ARHGEF26: variants seen among roughly 807,000 people sequenced by gnomAD.
The protein encoded by ARHGEF26 is Rho guanine nucleotide exchange factor (GEF) 26.
ARHGEF26 carries 59 observed loss-of-function variants against 89.4 expected under a neutral mutation model. The observed-to-expected ratio is 0.66, with a 90% CI of 0.54 to 0.82. The LOEUF is 0.82. Ranked by LOEUF, ARHGEF26 falls within the 40% of genes least tolerant of loss-of-function variation. ARHGEF26 has a pLI of 0.00. For synonymous variants in ARHGEF26, 500 were observed against 428.4 expected (o/e 1.17, Z -2.06); for missense variants, 1,234 against 1,085.6 (o/e 1.14, Z -1.92).
At chr3:154,133,091 A>G (rs1718787438) in intron 4 of ARHGEF26, among the ~76,000 whole-genome samples, 1 of 152,176 alleles carries the variant, frequency 6.6e-6, no homozygotes, top group Admixed American at 6.5e-5. Flanking sequence ...TATCCTTATC[A>G]GTTGACTATA....
intron 3 of ARHGEF26, among the ~76,000 whole-genome samples, chr3:154,124,880 T>G (rs1220444092): frequency 4.6e-5 from 7 of 152,200 alleles, no homozygotes; most frequent in African/African-American, 1.7e-4. Context: ...TCCTGTTTCC[T>G]TATTAAGTTT....
chr3:154,209,888 G>T (rs533736292), intron 9 of ARHGEF26, among the ~76,000 whole-genome samples: 1 of 152,160 alleles, frequency 6.6e-6, no homozygotes, highest in Non-Finnish European at 1.5e-5. Context: ...GTTCACAAAC[G>T]GTCTAAAGTC....
intron 11 of ARHGEF26, among the ~76,000 whole-genome samples, chr3:154,239,014 A>G (rs1717289804): frequency 1.3e-5 from 2 of 152,102 alleles, no homozygotes; most frequent in Admixed American, 6.5e-5. Context: ...TGAGTTGGAA[A>G]GAAAGGCCAT....
intron 4 of ARHGEF26, among the ~76,000 whole-genome samples, chr3:154,141,314 C>T (rs1719368807): frequency 6.6e-6 from 1 of 152,166 alleles, no homozygotes; most frequent in Non-Finnish European, 1.5e-5. Context: ...AAGTGAGTTA[C>T]ACAGTTTAGT....
At chr3:154,167,999 A>T (rs998612704) in intron 6 of ARHGEF26, among the ~76,000 whole-genome samples, 68 of 152,230 alleles carry the variant, frequency 4.5e-4, no homozygotes, top group African/African-American at 1.5e-3. Flanking sequence ...AGCTTGATTA[A>T]GATATAGCTC....
chr3:154,236,583 G>C (rs1717140494), intron 11 of ARHGEF26, among the ~76,000 whole-genome samples: 1 of 152,148 alleles, frequency 6.6e-6, no homozygotes, highest in South Asian at 2.1e-4. Flanking sequence ...GACAAACATG[G>C]GGAAGTCTGA....
At chr3:154,144,977 C>G (rs1719612497) in intron 4 of ARHGEF26, among the ~76,000 whole-genome samples, 1 of 152,132 alleles carries the variant, frequency 6.6e-6, no homozygotes, top group South Asian at 2.1e-4. Context: ...TCTCTGTTTA[C>G]CCACCACTCC....
At chr3:154,165,856 C>G (rs778242032) in intron 6 of ARHGEF26, among the ~76,000 whole-genome samples, 1 of 152,060 alleles carries the variant, frequency 6.6e-6, no homozygotes, top group Non-Finnish European at 1.5e-5. Context: ...ATTGCTTTTT[C>G]TAAACAATAA....
intron 5 of ARHGEF26, among the ~76,000 whole-genome samples, chr3:154,150,030 G>A (rs1168669864): frequency 2.0e-5 from 3 of 150,610 alleles, no homozygotes; most frequent in Non-Finnish European, 2.9e-5. Flanking sequence ...AGCTCTCAAA[G>A]CATTTTCCTC....
intron 9 of ARHGEF26, among the ~76,000 whole-genome samples, chr3:154,205,423 T>C (rs966038644): frequency 6.6e-6 from 1 of 152,154 alleles, no homozygotes; most frequent in African/African-American, 2.4e-5. Context: ...GTGTTTCTTG[T>C]AGGCAACAGA....
chr3:154,146,919 C>G (rs1311392641), intron 4 of ARHGEF26, among the ~76,000 whole-genome samples: 1 of 152,186 alleles, frequency 6.6e-6, no homozygotes, highest in Non-Finnish European at 1.5e-5. Context: ...AAATCCAGTT[C>G]TTACTGCTTT....
Position 154,256,145 on chromosome 3 carries a change from T to G in ARHGEF26, c.*672T>G. 2.0e-6 allele frequency: 2 copies of G among 985,478 alleles called. No homozygotes were observed. Among genetic ancestry groups the G allele is most frequent in the Non-Finnish European group, 2.4e-6 (2 of 829,600 alleles). The allele number at this position is 985,478 out of a possible 1,614,324, so 61.0% of individuals were successfully genotyped here. A position where few individuals can be genotyped will look rare whatever the true frequency, so the allele number is the denominator to read the frequency against. ...CATCTCACCCCATATTGTTCTTAAA[T>G]AAGTATAGACTAATTAACCTAAGCT... is the stretch of plus-strand genomic sequence containing the variant. On this transcript the variant is annotated 3_prime_UTR_variant, in exon 15 of 15. Coordinates refer to ENST00000465093, the MANE Select transcript of ARHGEF26 (RefSeq NM_015595.4).
intron 3 of ARHGEF26, among the ~76,000 whole-genome samples, chr3:154,127,696 A>G (rs963286866): frequency 5.3e-5 from 8 of 151,344 alleles, no homozygotes; most frequent in African/African-American, 1.7e-4. Flanking sequence ...ATAGTTTATT[A>G]TCATTATCAA....
intron 6 of ARHGEF26, among the ~76,000 whole-genome samples, chr3:154,153,694 T>G (rs1216650542): frequency 6.6e-6 from 1 of 152,094 alleles, no homozygotes; most frequent in African/African-American, 2.4e-5. Flanking sequence ...TACTGTTCCC[T>G]GGCCACCTGA....
At chr3:154,140,324 G>A (rs763310701) in intron 4 of ARHGEF26, among the ~76,000 whole-genome samples, 3 of 152,176 alleles carry the variant, frequency 2.0e-5, no homozygotes, top group South Asian at 2.1e-4. Flanking sequence ...TAACAAGTCA[G>A]CTGAGAGGCC....
rs1034271256 is a variant in ARHGEF26, at chr3:154,256,655, C to T, written c.*1182C>T. On this transcript the variant is annotated 3_prime_UTR_variant, in exon 15 of 15. Coordinates refer to ENST00000465093, the MANE Select transcript of ARHGEF26 (RefSeq NM_015595.4). ...TACCTAGTTTTCAGCTGTTCCAACT[C>T]GTTTCCAAATAGAAATTAGCTGGAA... 17 of 1,154,444 alleles carry T rather than the reference C, an allele frequency of 1.5e-5. No homozygotes were observed. The highest frequency in any genetic ancestry group is 1.6e-5 in the African/African-American group (1 of 61,426). 71.5% of individuals were successfully genotyped at this position (1,154,444 alleles called of 1,614,324 possible). A position where few individuals can be genotyped will look rare whatever the true frequency, so the allele number is the denominator to read the frequency against.
chr3:154,214,403 A>C (rs1715591519), intron 9 of ARHGEF26, among the ~76,000 whole-genome samples: 1 of 152,176 alleles, frequency 6.6e-6, no homozygotes, highest in African/African-American at 2.4e-5. Flanking sequence ...GGTAGAGAGA[A>C]GTGAACAGCA....
At chr3:154,242,150 A>C (rs978918687) in intron 12 of ARHGEF26, among the ~76,000 whole-genome samples, 1 of 152,206 alleles carries the variant, frequency 6.6e-6, no homozygotes, top group Non-Finnish European at 1.5e-5. Context: ...GCATATTCCA[A>C]ATGAGCTGGA....
At chr3:154,153,965 A>C (rs1159172262) in intron 6 of ARHGEF26, among the ~76,000 whole-genome samples, 1 of 152,044 alleles carries the variant, frequency 6.6e-6, no homozygotes, top group Non-Finnish European at 1.5e-5. Flanking sequence ...TGTTCTGTAG[A>C]ATTTCCCATG....
Sources: gnomAD v4.1 joint callset for allele counts (sites outside exome capture counted in the v4.1 genomes callset) on GRCh38, gnomAD v4.1.1 for gene constraint, MANE v1.5 for transcripts, NCBI Gene and HGNC (gene_info 2026-07-23, HGNC 2026-07-21) for gene names.